Variants in PCDH11X observed in about 807,000 individuals in gnomAD.
The protein encoded by PCDH11X is protocadherin-11 X-linked.
Under a neutral mutation model 53.3 loss-of-function variants are expected in PCDH11X, and 18 were observed. The observed-to-expected ratio is 0.34, with a 90% CI of 0.23 to 0.50. The LOEUF is 0.50. Ranked by LOEUF, PCDH11X falls within the 20% of genes least tolerant of loss-of-function variation. The pLI is 0.98. For missense variants in PCDH11X, 570 were observed against 1,032.4 expected (o/e 0.55, Z 6.14); for synonymous variants, 279 against 393.3 (o/e 0.71, Z 3.44).
chrX:92,372,347 A>T (rs1399982087), intron 8 of PCDH11X, among the ~76,000 whole-genome samples: 1 of 107,809 alleles, frequency 9.3e-6, no homozygotes, highest in Non-Finnish European at 1.9e-5. Flanking sequence ...CTTAAATAAT[A>T]CAATATAAAA....
chrX:92,180,156 C>G (rs1371432795), intron 6 of PCDH11X, among the ~76,000 whole-genome samples: 1 of 111,455 alleles, frequency 9.0e-6, no homozygotes, highest in East Asian at 2.8e-4. Flanking sequence ...CACGTTTTAC[C>G]ATGGTGGAGC....
At chrX:92,498,168 A>G (rs2073893235) in intron 10 of PCDH11X, among the ~76,000 whole-genome samples, 1 of 111,836 alleles carries the variant, frequency 8.9e-6, no homozygotes, top group South Asian at 3.7e-4. Context: ...GATATCCACA[A>G]TTAATCATAC....
intron 6 of PCDH11X, among the ~76,000 whole-genome samples, chrX:91,939,128 G>A (rs1467246498): frequency 1.8e-5 from 2 of 110,923 alleles, no homozygotes; most frequent in Non-Finnish European, 3.8e-5. Context: ...GGTTCAAAAT[G>A]TTGGGTAGAG....
intron 10 of PCDH11X, among the ~76,000 whole-genome samples, chrX:92,589,590 G>A (rs1924802012): frequency 9.0e-6 from 1 of 111,181 alleles, no homozygotes; most frequent in African/African-American, 3.3e-5. Flanking sequence ...AACATACAAT[G>A]GATACACAAA....
intron 6 of PCDH11X, among the ~76,000 whole-genome samples, chrX:91,965,963 G>A (rs779510581): frequency 9.0e-6 from 1 of 111,381 alleles, no homozygotes; most frequent in Admixed American, 9.6e-5. Context: ...CTGCAGCCAA[G>A]GAGATGGGAG....
chrX:92,013,493 A>T (rs770009861), intron 6 of PCDH11X, among the ~76,000 whole-genome samples: 1 of 111,681 alleles, frequency 9.0e-6, no homozygotes, highest in African/African-American at 3.3e-5. Flanking sequence ...ATCCCCATCA[A>T]GCTACCAATG....
At chrX:92,414,727 T>TAA (rs11369347) in intron 9 of PCDH11X, among the ~76,000 whole-genome samples, 15 of 107,191 alleles carry the variant, frequency 1.4e-4, no homozygotes, top group South Asian at 8.1e-4. Flanking sequence ...AATCACTATT[T>TAA]AAAAAAAAAA....
chrX:92,355,140 T>C (rs1394512027), intron 8 of PCDH11X, among the ~76,000 whole-genome samples: 1 of 107,062 alleles, frequency 9.3e-6, no homozygotes, highest in Admixed American at 1.0e-4. Flanking sequence ...TTAAAAGAAA[T>C]TATTAGGCCG....
intron 6 of PCDH11X, among the ~76,000 whole-genome samples, chrX:92,100,743 A>G (rs1396721480): frequency 4.0e-4 from 43 of 108,759 alleles, no homozygotes; most frequent in African/African-American, 1.4e-3. Flanking sequence ...AAGTGTTGGG[A>G]CGGTGAAAAT....
At chrX:92,278,689 G>T (rs902354267) in intron 8 of PCDH11X, among the ~76,000 whole-genome samples, 2 of 110,572 alleles carry the variant, frequency 1.8e-5, no homozygotes, top group Non-Finnish European at 3.8e-5. Context: ...GCGGGGCAGG[G>T]CCTTTTCACT....
chrX:92,257,886 G>T (rs754698066), intron 7 of PCDH11X, among the ~76,000 whole-genome samples: 3 of 111,949 alleles, frequency 2.7e-5, no homozygotes, highest in Non-Finnish European at 5.6e-5. Flanking sequence ...GTGGAGTGTG[G>T]AGGATCATGG....
At chrX:91,849,088 T>C (rs1169819959) in intron 5 of PCDH11X, among the ~76,000 whole-genome samples, 1 of 110,264 alleles carries the variant, frequency 9.1e-6, no homozygotes, top group Non-Finnish European at 1.9e-5. Context: ...ATAGAATTAA[T>C]AGCAATTGCT....
intron 6 of PCDH11X, among the ~76,000 whole-genome samples, chrX:92,168,273 A>G (rs1182029555): frequency 9.1e-6 from 1 of 109,510 alleles, no homozygotes; most frequent in Non-Finnish European, 1.9e-5. Context: ...AACTATATAA[A>G]TACTGGTGGG....
At chrX:91,817,506 T>C (rs1234626260) in intron 4 of PCDH11X, among the ~76,000 whole-genome samples, 1 of 110,502 alleles carries the variant, frequency 9.0e-6, no homozygotes, top group East Asian at 2.8e-4. Flanking sequence ...TGAAGGTTAC[T>C]GACCTTCTGA....
intron 6 of PCDH11X, among the ~76,000 whole-genome samples, chrX:92,151,347 C>G (rs983504112): frequency 9.1e-6 from 1 of 109,484 alleles, no homozygotes; most frequent in African/African-American, 3.3e-5. Context: ...GGCCCGCCAC[C>G]GTGCCTGGCT....
chrX:92,216,847 G>A (rs199682699), intron 7 of PCDH11X, among the ~76,000 whole-genome samples: 7,962 of 103,438 alleles, frequency 0.077, 597 homozygotes, highest in African/African-American at 0.2. Flanking sequence ...GACTAACAGC[G>A]GATCTCTCGG....
At chrX:91,942,813 T>C (rs1370979484) in intron 6 of PCDH11X, among the ~76,000 whole-genome samples, 1 of 111,174 alleles carries the variant, frequency 9.0e-6, no homozygotes, top group East Asian at 2.8e-4. Flanking sequence ...TATAAAATTC[T>C]AAACAAAATT....
chrX:92,182,526 G>T (rs1257139357), intron 6 of PCDH11X, among the ~76,000 whole-genome samples: 1 of 111,349 alleles, frequency 9.0e-6, no homozygotes, highest in East Asian at 2.9e-4. Flanking sequence ...TGGTTTGGTT[G>T]TGTCCCCACC....
intron 9 of PCDH11X, among the ~76,000 whole-genome samples, chrX:92,416,161 T>G (rs1177441742): frequency 2.7e-5 from 3 of 110,929 alleles, no homozygotes; most frequent in Non-Finnish European, 5.7e-5. Flanking sequence ...GCAGAATGAT[T>G]ATCAGATCCT....
Sources: allele counts gnomAD v4.1 joint callset (sites outside exome capture counted in the v4.1 genomes callset), GRCh38; gene constraint gnomAD v4.1.1; transcripts MANE v1.5; gene names NCBI Gene and HGNC (gene_info 2026-07-23, HGNC 2026-07-21).